The following USP48 variants were observed in gnomAD, a reference collection of about 807,000 sequenced individuals.
USP48 encodes ubiquitin specific peptidase 48.
USP48 carries 43 observed loss-of-function variants against 150.7 expected under a neutral mutation model. That is an observed-to-expected ratio of 0.29 (90% CI 0.22 to 0.37). The LOEUF is 0.37. Ranked by LOEUF, USP48 falls within the 10% of genes least tolerant of loss-of-function variation. The probability of loss-of-function intolerance (pLI) is 1.00; values close to 1 mark genes in which losing one functional copy is unlikely to be tolerated. For synonymous variants in USP48, 396 were observed against 425.9 expected (o/e 0.93, Z 0.86); for missense variants, 813 against 1,249.6 (o/e 0.65, Z 5.27).
intron 23 of USP48, among the ~76,000 whole-genome samples, chr1:21,692,418 G>A (rs1257913353): frequency 6.6e-6 from 1 of 152,140 alleles, no homozygotes; most frequent in Non-Finnish European, 1.5e-5. Flanking sequence ...AACTTAACAT[G>A]GATAATGTCA....
chr1:21,783,021 C>G lies in USP48; in HGVS notation c.-64G>C. 4 of 1,442,986 alleles carry G rather than the reference C, an allele frequency of 2.8e-6. No homozygotes were observed. In the East Asian group the frequency reaches 1.1e-4, roughly 41 times the overall value. The allele number at this position is 1,442,986 out of a possible 1,614,324, so 89.4% of individuals were successfully genotyped here. On this transcript the variant is annotated 5_prime_UTR_variant, in exon 1 of 27. Coordinates refer to ENST00000308271, the MANE Select transcript of USP48 (RefSeq NM_032236.8). ...GCAGCCGCCGCCGCGGTCTGCACCGCCGCCCCAATGGGCTTCGCCACCTGC... is the reference window on the plus strand; with the variant it reads ...GCAGCCGCCGCCGCGGTCTGCACCGGCGCCCCAATGGGCTTCGCCACCTGC...
intron 15 of USP48, among the ~76,000 whole-genome samples, chr1:21,709,477 T>C (rs1011659969): frequency 2.0e-5 from 3 of 152,054 alleles, no homozygotes; most frequent in African/African-American, 2.4e-5. Flanking sequence ...TAAGTCCTTA[T>C]GTGAAATACA....
chr1:21,752,715 T>C, intron 4 of USP48, 64 bp from the exon 5 acceptor site: 3 of 1,504,974 alleles, frequency 2.0e-6, no homozygotes, highest in Non-Finnish European at 2.7e-6. Flanking sequence ...CTACAAATAG[T>C]AATACATTCA....
At chr1:21,713,723 T>C (rs941436317) in intron 15 of USP48, among the ~76,000 whole-genome samples, 10 of 152,094 alleles carry the variant, frequency 6.6e-5, no homozygotes, top group African/African-American at 2.2e-4. Context: ...ACTGGAAAAA[T>C]ACACTCCTTT....
chr1:21,751,370 G>A, intron 6 of USP48, 137 bp downstream of exon 6: 1 of 664,428 alleles, frequency 1.5e-6, no homozygotes, highest in Non-Finnish European at 2.6e-6. Flanking sequence ...GTGTCTTCTG[G>A]ATCATTACAG....
intron 14 of USP48, among the ~76,000 whole-genome samples, chr1:21,717,010 C>T (rs1488289059): frequency 2.0e-5 from 3 of 151,298 alleles, no homozygotes; most frequent in South Asian, 2.1e-4. Flanking sequence ...AGCGAGACTC[C>T]GTCTCAAAAA....
intron 6 of USP48, among the ~76,000 whole-genome samples, chr1:21,749,791 C>T (rs970093060): frequency 2.0e-5 from 3 of 151,952 alleles, no homozygotes; most frequent in Non-Finnish European, 2.9e-5. Context: ...TTTGCAAAGA[C>T]GGTCTATCAC....
intron 3 of USP48, among the ~76,000 whole-genome samples, chr1:21,756,247 G>A (rs333207): frequency 0.076 from 11,589 of 151,812 alleles, 511 homozygotes; most frequent in Middle Eastern, 0.11. Context: ...TTGGAAGGCC[G>A]AGGCAGCCAC....
Position 21,729,839 on chromosome 1 carries a change from T to C in USP48, c.1172-7A>G. ...TGAGACTTAGAAGGTTCTGCTGAGA[T>C]AGAGAAATCAAAAGGTACCTTAACT... On this transcript the variant is annotated splice_polypyrimidine_tract_variant and splice_region_variant and intron_variant, in intron 9 of 26. Coordinates refer to ENST00000308271, the MANE Select transcript of USP48 (RefSeq NM_032236.8). 1 of 1,613,978 alleles carries C rather than the reference T, an allele frequency of 6.2e-7. No individual in the cohort carries two copies. The highest frequency in any genetic ancestry group is 1.1e-5 in the South Asian group (1 of 91,082).
chr1:21,689,199 TCTTCTAC>T (rs1200695930), intron 24 of USP48, among the ~76,000 whole-genome samples: 1 of 149,198 alleles, frequency 6.7e-6, no homozygotes, highest in African/African-American at 2.4e-5. Context: ...CACAAGTCTA[TCTTCTAC>T]CCATTTTTTG....
intron 25 of USP48, among the ~76,000 whole-genome samples, chr1:21,684,733 C>G (rs1012887506): frequency 6.6e-6 from 1 of 152,134 alleles, no homozygotes. Context: ...TAGTGAGAGA[C>G]AGAGGTCTAG....
At position 21,721,002 on chromosome 1, in the gene USP48, T is replaced by C. The variant is rs772806532; in HGVS notation, c.1894+34A>G. The C allele has an allele frequency of 1.7e-5, 27 of 1,578,710 alleles. No individual in the cohort carries two copies. In the South Asian group the frequency reaches 1.8e-4, roughly 10 times the overall value. On this transcript the variant is annotated intron_variant, in intron 14 of 26. Transcript: ENST00000308271. ...CCACTTATATTTTCATGGTATAGTT[T>C]CACAATGATCTACACATAGGTTTAA...
intron 3 of USP48, among the ~76,000 whole-genome samples, chr1:21,756,190 A>G (rs930878165): frequency 6.6e-6 from 1 of 151,594 alleles, no homozygotes; most frequent in Non-Finnish European, 1.5e-5. Flanking sequence ...TAATAATAAA[A>G]TAAGTTTAGG....
intron 1 of USP48, among the ~76,000 whole-genome samples, chr1:21,773,034 G>A (rs373702515): frequency 3.3e-5 from 5 of 150,360 alleles, no homozygotes; most frequent in East Asian, 2.0e-4. Flanking sequence ...TGAGGCAGGC[G>A]GATCACATGG....
intron 14 of USP48, among the ~76,000 whole-genome samples, chr1:21,718,868 T>A (rs551479667): frequency 6.4e-4 from 98 of 152,144 alleles, no homozygotes; most frequent in African/African-American, 2.1e-3. Flanking sequence ...CTAAGTCACA[T>A]GTTATCATTA....
At chr1:21,701,064 C>CAAAA (rs11311453) in intron 22 of USP48, among the ~76,000 whole-genome samples, 7 of 60,484 alleles carry the variant, frequency 1.2e-4, no homozygotes, top group East Asian at 4.5e-4. Flanking sequence ...GGATCCATCT[C>CAAAA]AAAAAAAAAA....
At chr1:21,779,180 G>A (rs1003377031) in intron 1 of USP48, among the ~76,000 whole-genome samples, 1 of 152,106 alleles carries the variant, frequency 6.6e-6, no homozygotes, top group Non-Finnish European at 1.5e-5. Flanking sequence ...CAAGGCTGCA[G>A]TGAGCCATGA....
chr1:21,779,105 G>A (rs975738170), intron 1 of USP48, among the ~76,000 whole-genome samples: 2 of 152,028 alleles, frequency 1.3e-5, no homozygotes, highest in African/African-American at 4.8e-5. Flanking sequence ...AATTAGCCTC[G>A]TGTTGTGGCA....
At chr1:21,728,016 G>C in intron 11 of USP48, 4 of 985,398 alleles carry the variant, frequency 4.1e-6, no homozygotes, top group Middle Eastern at 5.2e-4. Context: ...TGAGACATCA[G>C]GTAAACCTGA....
Sources: allele counts gnomAD v4.1 joint callset (sites outside exome capture counted in the v4.1 genomes callset), GRCh38; gene constraint gnomAD v4.1.1; transcripts MANE v1.5; gene names NCBI Gene and HGNC (gene_info 2026-07-23, HGNC 2026-07-21).